The following ZNF395 variants were observed in gnomAD, a reference collection of about 807,000 sequenced individuals.
ZNF395 encodes HD gene regulatory region-binding protein 2.
ZNF395 carries 20 observed loss-of-function variants against 57.7 expected under a neutral mutation model. That is an observed-to-expected ratio of 0.35 (90% CI 0.24 to 0.50). The LOEUF is 0.50. ZNF395 is among the 20% of genes least tolerant of loss of function. The pLI, the probability that ZNF395 is intolerant of heterozygous loss-of-function variation, is 0.97. For synonymous variants in ZNF395, 295 were observed against 275.9 expected (o/e 1.07, Z -0.69); for missense variants, 606 against 671.2 (o/e 0.90, Z 1.07).
rs774149075 is a variant in ZNF395, at chr8:28,353,333, T to C, written c.659A>G (p.His220Arg). 2 of 1,606,304 alleles carry C rather than the reference T, an allele frequency of 1.2e-6. No homozygotes were observed. Among genetic ancestry groups the C allele is most frequent in the East Asian group, 4.5e-5 (2 of 44,704 alleles). ...GGAGACACCACTGCTCCCACTCCAG[T>C]GACCGCTGGTAGTGCTGCTGCCGCT... ...SDSGSSTTSG[H>R]WSGSSGVSTP... Residue 220 changes from histidine to arginine, a missense_variant, in exon 5 of 10, where the codon CAC becomes CGC. Around this residue, in one of 3 missense-constraint regions of ZNF395, gnomAD observed 309 missense variants for 374.7 expected, o/e 0.82. Transcript: ENST00000344423.
At chr8:28,354,317 A>G (rs536338444) in intron 4 of ZNF395, among the ~76,000 whole-genome samples, 31 of 152,324 alleles carry the variant, frequency 2.0e-4, no homozygotes, top group South Asian at 1.2e-3. Flanking sequence ...AGGTGAATTT[A>G]TAATATAGAA....
chr8:28,351,236 C>T (rs146859016), intron 7 of ZNF395, among the ~76,000 whole-genome samples: 230 of 152,342 alleles, frequency 1.5e-3, no homozygotes, highest in Middle Eastern at 3.4e-3. Flanking sequence ...AATTCCCCCA[C>T]CCAAATCCAT....
intron 3 of ZNF395, among the ~76,000 whole-genome samples, chr8:28,358,155 T>C (rs1435630746): frequency 9.1e-5 from 13 of 143,506 alleles, no homozygotes; most frequent in Admixed American, 2.8e-4. Context: ...TTTTTTCTTT[T>C]TTTTTTTTTT....
chr8:28,353,600 A>T (rs1178684781), intron 4 of ZNF395, among the ~76,000 whole-genome samples, 192 bp from the exon 5 acceptor site: 1 of 152,196 alleles, frequency 6.6e-6, no homozygotes, highest in African/African-American at 2.4e-5. Flanking sequence ...TACACACTGC[A>T]AGTTTGCTTT....
chr8:28,349,966 G>C (rs976765193), intron 8 of ZNF395, 98 bp downstream of exon 8: 6 of 1,127,316 alleles, frequency 5.3e-6, no homozygotes, highest in Non-Finnish European at 7.3e-6. Context: ...CCGACCTGTG[G>C]CCACGTGCCC....
At position 28,345,895 on chromosome 8, in the gene ZNF395, A is replaced by C. The variant is rs1403453954; in HGVS notation, c.*2824T>G. The C allele has an allele frequency of 6.6e-6, 1 of 152,378 alleles. No homozygotes were observed. Among genetic ancestry groups the C allele is most frequent in the South Asian group, 2.1e-4 (1 of 4,836 alleles). The allele number at this position is 152,378 out of a possible 1,614,324, so 9.4% of individuals were successfully genotyped here. A position where few individuals can be genotyped will look rare whatever the true frequency, so the allele number is the denominator to read the frequency against. ...CTCCAAGGAGTCAAGCTATAGACTCACAATGACAACGTGGCCATGGCTCAA... is the reference window on the plus strand; with the variant it reads ...CTCCAAGGAGTCAAGCTATAGACTCCCAATGACAACGTGGCCATGGCTCAA... On this transcript the variant is annotated 3_prime_UTR_variant, in exon 10 of 10. Coordinates refer to ENST00000344423, the MANE Select transcript of ZNF395 (RefSeq NM_018660.3).
chr8:28,354,343 A>T (rs1394939724), intron 4 of ZNF395, among the ~76,000 whole-genome samples: 1 of 152,200 alleles, frequency 6.6e-6, no homozygotes, highest in African/African-American at 2.4e-5. Context: ...TGAAATTCTG[A>T]TATGTGGAAA....
At chr8:28,349,924 C>G (rs961973466) in intron 8 of ZNF395, 140 bp downstream of exon 8, 8 of 703,530 alleles carry the variant, frequency 1.1e-5, no homozygotes, top group Non-Finnish European at 1.8e-5. Context: ...ACATCTTCAA[C>G]ACGTTTGGGG....
intron 1 of ZNF395, among the ~76,000 whole-genome samples, chr8:28,375,776 T>C (rs1474912722): frequency 6.6e-6 from 1 of 152,102 alleles, no homozygotes; most frequent in Non-Finnish European, 1.5e-5. Context: ...AAGATTAAAA[T>C]GGACACAGGA....
At position 28,351,701 on chromosome 8, in the gene ZNF395, T is replaced by C. The variant is rs1801686383; in HGVS notation, c.1027A>G (p.Thr343Ala). Residue 343 changes from threonine (T) to alanine (A), a missense_variant, in exon 7 of 10, where the codon ACC (threonine) becomes GCC (alanine). By Grantham distance (58) the Thr-to-Ala change is moderately conservative (BLOSUM62 0). Around this residue, in one of 3 missense-constraint regions of ZNF395, gnomAD observed 261 missense variants for 240.3 expected, o/e 1.09. Transcript: ENST00000344423. ...GAGGTGGGAGTCCCAGGGACTGGGG[T>C]GCCTGCGGCAGCAGCAGCAGCAGCA... ...AAAAAAAAAG[T>A]PVPGTPTSEP... 1 of 1,610,894 alleles carries C rather than the reference T, an allele frequency of 6.2e-7. No individual in the cohort carries two copies. Among genetic ancestry groups the C allele is most frequent in the Non-Finnish European group, 8.5e-7 (1 of 1,179,836 alleles).
Position 28,351,811 on chromosome 8 carries a change from T to C in ZNF395, c.921-4A>G. On this transcript the variant is annotated splice_region_variant and splice_polypyrimidine_tract_variant and intron_variant, in intron 6 of 9. Transcript: ENST00000344423. ...CTGATCAGAGTCCACTGTGTCCCTG[T>C]GTGGGAGGGAGATGCGGTATAATCA... 2.0e-6 allele frequency: 3 copies of C among 1,536,536 alleles called. No individual in the cohort carries two copies. Among genetic ancestry groups the C allele is most frequent in the Non-Finnish European group, 2.6e-6 (3 of 1,143,230 alleles).
chr8:28,348,916 A>C, intron 9 of ZNF395, 86 bp from the exon 10 acceptor site: 2 of 1,425,868 alleles, frequency 1.4e-6, no homozygotes, highest in Non-Finnish European at 2.0e-6. Flanking sequence ...GAACAAGCAG[A>C]GGCCAAAGGG....
At chr8:28,377,600 A>C (rs994839694) in intron 1 of ZNF395, among the ~76,000 whole-genome samples, 8 of 152,022 alleles carry the variant, frequency 5.3e-5, no homozygotes, top group African/African-American at 1.7e-4. Flanking sequence ...GCTCCTGGGG[A>C]TATAAATCCA....
chr8:28,383,029 G>C (rs527494099), intron 1 of ZNF395, among the ~76,000 whole-genome samples: 2 of 152,184 alleles, frequency 1.3e-5, no homozygotes, highest in Non-Finnish European at 2.9e-5. Context: ...AAACAGTACA[G>C]ACACTGCTTT....
At chr8:28,371,899 G>C (rs1338562672) in intron 1 of ZNF395, among the ~76,000 whole-genome samples, 1 of 152,042 alleles carries the variant, frequency 6.6e-6, no homozygotes, top group Non-Finnish European at 1.5e-5. Flanking sequence ...AAATACAAAA[G>C]TTACCTGGAC....
intron 1 of ZNF395, among the ~76,000 whole-genome samples, chr8:28,366,161 C>T (rs1343153641): frequency 6.6e-6 from 1 of 152,188 alleles, no homozygotes; most frequent in Non-Finnish European, 1.5e-5. Context: ...AGCGTGGGTG[C>T]TTGCTACTTC....
chr8:28,382,350 C>T (rs1035592658), intron 1 of ZNF395, among the ~76,000 whole-genome samples: 2 of 152,170 alleles, frequency 1.3e-5, no homozygotes, highest in African/African-American at 4.8e-5. Flanking sequence ...CACCGGTTTA[C>T]AACCTTTGCC....
intron 1 of ZNF395, among the ~76,000 whole-genome samples, chr8:28,381,133 C>A (rs766161805): frequency 6.6e-6 from 1 of 152,012 alleles, no homozygotes; most frequent in Non-Finnish European, 1.5e-5. Flanking sequence ...GCTCTGCCTC[C>A]GGGGTTCATG....
chr8:28,385,407 C>CA (rs923516948), intron 1 of ZNF395: 3 of 151,822 alleles, frequency 2.0e-5, no homozygotes, highest in African/African-American at 4.8e-5. Flanking sequence ...GCCCCGCCCC[C>CA]CCCCCGGGCA....
Sources: allele counts gnomAD v4.1 joint callset (sites outside exome capture counted in the v4.1 genomes callset), GRCh38; gene constraint gnomAD v4.1.1; regional missense constraint gnomAD v4.1.1; transcripts MANE v1.5; gene names NCBI Gene and HGNC (gene_info 2026-07-23, HGNC 2026-07-21).